Variants in DPYD observed in about 807,000 individuals in gnomAD.
DPYD encodes the protein dihydropyrimidine dehydrogenase, also known as dihydropyrimidine dehydrogenase [NADP(+)].
A neutral mutation model predicts 116.2 loss-of-function variants in DPYD; 109 were observed. The ratio of observed to expected loss-of-function variants is 0.94; its 90% CI spans 0.80 to 1.10. The LOEUF (loss-of-function observed/expected upper bound fraction) is 1.10. Ranked by LOEUF, DPYD falls within the 50% of genes least tolerant of loss-of-function variation. The pLI, the probability that DPYD is intolerant of heterozygous loss-of-function variation, is 0.00. For synonymous variants in DPYD, 440 were observed against 432.0 expected (o/e 1.02, Z -0.23); for missense variants, 1,302 against 1,254.5 (o/e 1.04, Z -0.57).
intron 3 of DPYD, among the ~76,000 whole-genome samples, chr1:97,754,395 T>A (rs893028660): frequency 6.6e-6 from 1 of 152,078 alleles, no homozygotes; most frequent in Non-Finnish European, 1.5e-5. Flanking sequence ...GCAAATAATA[T>A]ATAGTTTTGT....
rs376322483 is a variant in DPYD at position 97,737,171 on chromosome 1, GGTTTT to G, written c.321+3216_321+3220del. On this transcript the variant is annotated intron_variant, in intron 4 of 22. Transcript: ENST00000370192. ...AGACATGCTGGTCAAAGGAGATAGA[GGTTTT>G]GTTTTGTTTTGTTTTAAAGCTTTGT... is the stretch of plus-strand genomic sequence containing the variant. 4.3e-3 allele frequency among the ~76,000 whole-genome samples: 647 copies of G among 152,122 alleles called. 3 individuals are homozygous for G. The highest frequency in any genetic ancestry group is 0.015 in the African/African-American group (615 of 41,498).
At chr1:97,081,167 T>C (rs1649124168) in intron 22 of DPYD, among the ~76,000 whole-genome samples, 1 of 151,958 alleles carries the variant, frequency 6.6e-6, no homozygotes, top group Non-Finnish European at 1.5e-5. Context: ...AATATGTCTG[T>C]CATAAGAATA....
At chr1:97,808,725 G>A (rs1668202777) in intron 3 of DPYD, among the ~76,000 whole-genome samples, 1 of 151,020 alleles carries the variant, frequency 6.6e-6, no homozygotes, top group Non-Finnish European at 1.5e-5. Context: ...TTAAATTGGG[G>A]TTTATATCTT....
intron 18 of DPYD, 88 bp downstream of exon 18, chr1:97,305,171 A>G (rs1667082628): frequency 1.3e-6 from 2 of 1,598,698 alleles, no homozygotes; most frequent in Non-Finnish European, 1.7e-6. Flanking sequence ...ATTTGGGATC[A>G]TAAAGGGCAC....
At chr1:97,822,947 A>G (rs558087174) in intron 3 of DPYD, among the ~76,000 whole-genome samples, 1 of 152,290 alleles carries the variant, frequency 6.6e-6, no homozygotes, top group South Asian at 2.1e-4. Flanking sequence ...AATATAGTAC[A>G]TTGATGTCTT....
At chr1:97,817,712 GTAAAAGC>G (rs979468449) in intron 3 of DPYD, among the ~76,000 whole-genome samples, 1 of 151,942 alleles carries the variant, frequency 6.6e-6, no homozygotes, top group Non-Finnish European at 1.5e-5. Context: ...TTTTCCACTT[GTAAAAGC>G]CTGATTCAAA....
intron 13 of DPYD, among the ~76,000 whole-genome samples, chr1:97,469,397 CAAA>C (rs59090402): frequency 2.6e-4 from 21 of 80,802 alleles, no homozygotes; most frequent in African/African-American, 9.2e-4. Flanking sequence ...GCTAAAATTG[CAAA>C]AAAAAAAAAA....
intron 12 of DPYD, among the ~76,000 whole-genome samples, chr1:97,535,041 A>G (rs1183769499): frequency 1.3e-5 from 2 of 152,130 alleles, no homozygotes; most frequent in Admixed American, 1.3e-4. Flanking sequence ...TCTGTCTCAG[A>G]GACATAAGTG....
At chr1:97,266,996 G>C (rs1022136067) in intron 18 of DPYD, among the ~76,000 whole-genome samples, 17 of 152,160 alleles carry the variant, frequency 1.1e-4, no homozygotes, top group African/African-American at 3.9e-4. Flanking sequence ...ACATACAGGT[G>C]CATGTGTCTT....
intron 3 of DPYD, among the ~76,000 whole-genome samples, chr1:97,812,483 C>T (rs74108405): frequency 0.024 from 3,644 of 152,068 alleles, 161 homozygotes; most frequent in African/African-American, 0.084. Context: ...TGTCTTCAAA[C>T]ACTAAGGACT....
At position 97,846,426 on chromosome 1, in the gene DPYD, T is replaced by C. The variant is rs535164712; in HGVS notation, c.151-18230A>G. Among the ~76,000 whole-genome samples the C allele has an allele frequency of 1.1e-4, 17 of 152,348 alleles. No homozygotes were observed. In the East Asian group the frequency reaches 3.3e-3, roughly 29 times the overall value. On this transcript the variant is annotated intron_variant, in intron 2 of 22. Coordinates refer to ENST00000370192, the MANE Select transcript of DPYD (RefSeq NM_000110.4). ...GCTCTTGCAACATCTGATTTATAGA[T>C]AGTTGTTCAGAGACACAAGAGACAG...
chr1:97,560,607 G>C (rs1652076701), intron 11 of DPYD, among the ~76,000 whole-genome samples: 1 of 151,222 alleles, frequency 6.6e-6, no homozygotes, highest in Non-Finnish European at 1.5e-5. Context: ...ATTACATCCT[G>C]CTGCAGGCAC....
chr1:97,091,074 G>C (rs1174519066), intron 21 of DPYD, among the ~76,000 whole-genome samples: 1 of 152,166 alleles, frequency 6.6e-6, no homozygotes, highest in African/African-American at 2.4e-5. Flanking sequence ...CCCAACCAGG[G>C]AAGATGGGGT....
intron 16 of DPYD, chr1:97,308,301 A>G (rs904544845): frequency 1.3e-5 from 2 of 151,552 alleles, no homozygotes; most frequent in Admixed American, 1.3e-4. Context: ...ATTTTGAGAT[A>G]CCATAATTTG....
intron 20 of DPYD, among the ~76,000 whole-genome samples, chr1:97,165,964 T>C (rs550526552): frequency 2.0e-5 from 3 of 152,242 alleles, no homozygotes; most frequent in Non-Finnish European, 2.9e-5. Context: ...AGAACACTTA[T>C]ACACTGTTGG....
At chr1:97,306,133 C>T in intron 17 of DPYD, 44 bp downstream of exon 17, 1 of 1,610,986 alleles carries the variant, frequency 6.2e-7, no homozygotes, top group Non-Finnish European at 8.5e-7. Flanking sequence ...TAATGTGGGC[C>T]AATATTTACA....
chr1:97,747,814 T>C (rs565952422), intron 3 of DPYD, among the ~76,000 whole-genome samples: 1 of 152,316 alleles, frequency 6.6e-6, no homozygotes, highest in South Asian at 2.1e-4. Flanking sequence ...TATTTAATTT[T>C]TGACTTCACT....
intron 20 of DPYD, among the ~76,000 whole-genome samples, chr1:97,161,319 G>T (rs1655879769): frequency 6.6e-6 from 1 of 152,038 alleles, no homozygotes; most frequent in Non-Finnish European, 1.5e-5. Context: ...ACAGAAAACA[G>T]CCTGGAAACT....
At chr1:97,326,236 T>C (rs776491716) in intron 16 of DPYD, among the ~76,000 whole-genome samples, 2 of 151,890 alleles carry the variant, frequency 1.3e-5, no homozygotes, top group African/African-American at 2.4e-5. Context: ...ATGTATTCAA[T>C]CAAGTTAGGA....
Sources: gnomAD v4.1 joint callset for allele counts (sites outside exome capture counted in the v4.1 genomes callset) on GRCh38, gnomAD v4.1.1 for gene constraint, MANE v1.5 for transcripts, NCBI Gene and HGNC (gene_info 2026-07-23, HGNC 2026-07-21) for gene names.